Variants in PCSK6 observed in about 807,000 individuals in gnomAD.
PCSK6 encodes paired basic amino acid cleaving enzyme 4.
In PCSK6, 85 loss-of-function variants were observed where a neutral mutation model predicts 123.3. That is an observed-to-expected ratio of 0.69 (90% CI 0.58 to 0.83). PCSK6 has a LOEUF of 0.83. Among genes scored for constraint, PCSK6 ranks in the 40% least tolerant of loss-of-function variants. The pLI is 0.00. For synonymous variants in PCSK6, 508 were observed against 516.0 expected, an observed-to-expected ratio of 0.98 and a Z score of 0.21; for missense variants, 1,191 against 1,282.3, an observed-to-expected ratio of 0.93 and a Z score of 1.09.
At chr15:101,468,451 A>G (rs531920290) in intron 1 of PCSK6, among the ~76,000 whole-genome samples, 2 of 152,328 alleles carry the variant, frequency 1.3e-5, no homozygotes, top group Non-Finnish European at 2.9e-5. Flanking sequence ...GACATCCAGC[A>G]TATTATTCCT....
chr15:101,452,553 T>G (rs1361521738), intron 1 of PCSK6, among the ~76,000 whole-genome samples: 2 of 152,080 alleles, frequency 1.3e-5, no homozygotes, highest in South Asian at 2.1e-4. Context: ...ATGGTGTGTG[T>G]GGGGTGGGAA....
intron 18 of PCSK6, among the ~76,000 whole-genome samples, chr15:101,320,543 C>T (rs2040096637): frequency 6.6e-6 from 1 of 152,062 alleles, no homozygotes; most frequent in Non-Finnish European, 1.5e-5. Context: ...CTTACACCTG[C>T]ATTTAGCAGG....
chr15:101,307,589 G>T, intron 20 of PCSK6: 1 of 415,432 alleles, frequency 2.4e-6, no homozygotes. Flanking sequence ...CAGGGGCCAG[G>T]CCTCCGAGGC....
At chr15:101,489,195 C>G (rs1203827801) in intron 1 of PCSK6, among the ~76,000 whole-genome samples, 179 bp downstream of exon 1, 2 of 72,496 alleles carry the variant, frequency 2.8e-5, no homozygotes, top group African/African-American at 8.9e-5. Context: ...CGCGCGCCCC[C>G]CCGGGCGACA....
chr15:101,324,441 G>T (rs1375606939), intron 17 of PCSK6, among the ~76,000 whole-genome samples: 1 of 152,210 alleles, frequency 6.6e-6, no homozygotes. Context: ...GAAGCCGATG[G>T]CATAGTCTTT....
chr15:101,414,750 G>T (rs765456074), intron 6 of PCSK6, among the ~76,000 whole-genome samples: 2 of 150,918 alleles, frequency 1.3e-5, no homozygotes, highest in East Asian at 3.9e-4. Flanking sequence ...ACAGATGGAC[G>T]GACAGATGGA....
intron 11 of PCSK6, among the ~76,000 whole-genome samples, chr15:101,375,244 C>T (rs754838928): frequency 4.4e-4 from 67 of 152,158 alleles, no homozygotes; most frequent in African/African-American, 1.2e-3. Flanking sequence ...TGAGCCACGG[C>T]GCCCGGCCAA....
At chr15:101,309,475 A>G (rs946385554) in intron 20 of PCSK6, among the ~76,000 whole-genome samples, 1 of 152,094 alleles carries the variant, frequency 6.6e-6, no homozygotes, top group Admixed American at 6.5e-5. Flanking sequence ...CCCAAACACC[A>G]TGGCCGCTTT....
At chr15:101,387,063 C>T (rs2042085206) in intron 9 of PCSK6, among the ~76,000 whole-genome samples, 1 of 152,190 alleles carries the variant, frequency 6.6e-6, no homozygotes, top group African/African-American at 2.4e-5. Context: ...CCTGACTTCT[C>T]CAATGTGTTC....
intron 13 of PCSK6, chr15:101,347,402 T>C (rs910200141): frequency 9.8e-5 from 121 of 1,236,898 alleles, no homozygotes; most frequent in Non-Finnish European, 2.2e-5. Context: ...CAAGAATTCA[T>C]GGAACTTTTT....
In PCSK6 at chr15:101,387,962, CTG is replaced by C. The variant is rs1473065632; in HGVS notation, c.1310+1500_1310+1501del. ...AAATGATGTTTGCCTGATCCGTCCC[CTG>C]TATGTGTCTGAGGAGGAGCTAACAT... On this transcript the variant is annotated intron_variant, in intron 9 of 21. Transcript: ENST00000611716. Among the ~76,000 whole-genome samples the C allele has an allele frequency of 2.6e-5, 4 of 152,350 alleles. No homozygotes were observed. In the East Asian group the frequency reaches 7.7e-4, roughly 29 times the overall value.
At chr15:101,374,469 C>T (rs552129093) in intron 11 of PCSK6, among the ~76,000 whole-genome samples, 1 of 152,276 alleles carries the variant, frequency 6.6e-6, no homozygotes, top group Admixed American at 6.5e-5. Context: ...CCTTGAAGCC[C>T]TCTCCCCAGG....
chr15:101,306,301 A>T (rs919237353), intron 21 of PCSK6, among the ~76,000 whole-genome samples: 3 of 152,048 alleles, frequency 2.0e-5, no homozygotes, highest in African/African-American at 4.8e-5. Context: ...CTTCCCAAAG[A>T]AGTAGTTTCT....
At chr15:101,425,587 G>A (rs3784457) in intron 6 of PCSK6, among the ~76,000 whole-genome samples, 7,105 of 152,230 alleles carry the variant, frequency 0.047, 227 homozygotes, top group East Asian at 0.14. Context: ...AAGATAGAGC[G>A]TTTCCATTCA....
chr15:101,439,623 T>C (rs552701499), intron 2 of PCSK6, among the ~76,000 whole-genome samples: 52 of 152,246 alleles, frequency 3.4e-4, no homozygotes, highest in Non-Finnish European at 6.9e-4. Flanking sequence ...AGGAACTTTC[T>C]GTTTGTTTGC....
intron 18 of PCSK6, among the ~76,000 whole-genome samples, chr15:101,319,088 C>T (rs765562531): frequency 4.5e-4 from 68 of 152,322 alleles, no homozygotes; most frequent in Non-Finnish European, 7.2e-4. Flanking sequence ...TCCCAGTGTT[C>T]GACCCCAAGC....
intron 1 of PCSK6, among the ~76,000 whole-genome samples, chr15:101,480,298 C>T (rs546098075): frequency 3.9e-5 from 6 of 152,366 alleles, no homozygotes; most frequent in African/African-American, 7.2e-5. Context: ...TCTTCCCAGC[C>T]CAATTCAGTA....
intron 1 of PCSK6, among the ~76,000 whole-genome samples, chr15:101,473,924 A>AATGGTTGTGAGGGTCTT (rs1304970389): frequency 3.3e-5 from 5 of 152,292 alleles, no homozygotes; most frequent in Admixed American, 1.3e-4. Flanking sequence ...TGAATGAATG[A>AATGGTTGTGAGGGTCTT]ATGGTTGTGA....
chr15:101,352,303 G>A (rs1448023340), intron 13 of PCSK6, among the ~76,000 whole-genome samples: 5 of 151,648 alleles, frequency 3.3e-5, no homozygotes, highest in African/African-American at 9.7e-5. Context: ...GGCCGCCACT[G>A]CGCCCGGCTA....
Sources: gnomAD v4.1 joint callset for allele counts (sites outside exome capture counted in the v4.1 genomes callset) on GRCh38, gnomAD v4.1.1 for gene constraint, MANE v1.5 for transcripts, NCBI Gene and HGNC (gene_info 2026-07-23, HGNC 2026-07-21) for gene names.